Variants in FGGY observed in about 807,000 individuals in gnomAD.
FGGY encodes the protein FGGY carbohydrate kinase domain containing, also known as FGGY carbohydrate kinase domain-containing protein.
Under a neutral mutation model 71.3 loss-of-function variants are expected in FGGY, and 72 were observed. The observed-to-expected ratio is 1.01, with a 90% CI of 0.84 to 1.23. The LOEUF is 1.23. Ranked by LOEUF, FGGY falls within the 50% of genes most tolerant of loss-of-function variation. The probability of loss-of-function intolerance (pLI) is 0.00; values close to 1 mark genes in which losing one functional copy is unlikely to be tolerated. For synonymous variants in FGGY, 251 were observed against 250.3 expected (o/e 1.00, Z -0.02); for missense variants, 668 against 682.3 (o/e 0.98, Z 0.23).
chr1:59,546,105 G>C (rs1168497513), intron 7 of FGGY, among the ~76,000 whole-genome samples: 1 of 152,144 alleles, frequency 6.6e-6, no homozygotes, highest in African/African-American at 2.4e-5. Flanking sequence ...CCAAAGATTG[G>C]AAGTTGTTGG....
intron 14 of FGGY, among the ~76,000 whole-genome samples, chr1:59,688,802 T>C (rs1331483093): frequency 6.6e-6 from 1 of 151,068 alleles, no homozygotes; most frequent in Non-Finnish European, 1.5e-5. Context: ...TAGGCTGGAG[T>C]GCAGTGGCGC....
chr1:59,584,403 A>T lies in FGGY; in HGVS notation c.904-23400A>T, dbSNP rs1426922959. On this transcript the variant is annotated intron_variant, in intron 8 of 15. Coordinates refer to ENST00000303721, the MANE Select transcript of FGGY (RefSeq NM_018291.5). ...TAAACATAATCCAGCATATAAACAG[A>T]ACAAACAACAAAAACCATATGATTA... Among the ~76,000 whole-genome samples, 4 of 150,058 alleles carry T rather than the reference A, an allele frequency of 2.7e-5. 1 individual carries two copies. Among genetic ancestry groups the T allele is most frequent in the African/African-American group, 5.0e-5 (2 of 39,712 alleles).
chr1:59,434,233 A>C (rs1304461847), intron 5 of FGGY, among the ~76,000 whole-genome samples: 1 of 152,240 alleles, frequency 6.6e-6, no homozygotes, highest in African/African-American at 2.4e-5. Flanking sequence ...TTTTTCTGCC[A>C]GTTTCTAGGA....
At chr1:59,635,434 C>T (rs114234768) in intron 10 of FGGY, among the ~76,000 whole-genome samples, 1,792 of 151,694 alleles carry the variant, frequency 0.012, 19 homozygotes, top group Middle Eastern at 0.041. Context: ...GAGACAATGA[C>T]GAATCAATAA....
At chr1:59,676,798 A>G (rs765906442) in intron 14 of FGGY, among the ~76,000 whole-genome samples, 4 of 152,142 alleles carry the variant, frequency 2.6e-5, no homozygotes, top group African/African-American at 4.8e-5. Context: ...AGGAGACACA[A>G]TCTAGTAAAG....
At chr1:59,427,972 A>G (rs149089152) in intron 5 of FGGY, among the ~76,000 whole-genome samples, 1 of 152,186 alleles carries the variant, frequency 6.6e-6, no homozygotes, top group South Asian at 2.1e-4. Flanking sequence ...TGTCAGTCTT[A>G]CTGATTGGAA....
intron 7 of FGGY, among the ~76,000 whole-genome samples, chr1:59,546,582 T>C (rs963990316): frequency 9.2e-5 from 14 of 151,966 alleles, no homozygotes; most frequent in Non-Finnish European, 1.2e-4. Flanking sequence ...TGTTTCCCAG[T>C]GCAATGGCGC....
intron 13 of FGGY, among the ~76,000 whole-genome samples, chr1:59,668,405 A>G (rs1276874317): frequency 1.3e-5 from 2 of 151,912 alleles, no homozygotes; most frequent in African/African-American, 4.8e-5. Context: ...CATAGTCCCA[A>G]CTCCAGCCTG....
chr1:59,589,008 A>G (rs998793158), intron 8 of FGGY, among the ~76,000 whole-genome samples: 2 of 152,222 alleles, frequency 1.3e-5, no homozygotes, highest in Non-Finnish European at 2.9e-5. Flanking sequence ...TTGGATAAAG[A>G]GTCAAGACCC....
At chr1:59,380,248 A>T (rs1314788228) in intron 5 of FGGY, among the ~76,000 whole-genome samples, 2 of 151,632 alleles carry the variant, frequency 1.3e-5, no homozygotes, top group Non-Finnish European at 2.9e-5. Flanking sequence ...TAGTGCCACA[A>T]TAAACATACA....
intron 1 of FGGY, 96 bp from the exon 2 acceptor site, chr1:59,321,440 A>C: frequency 9.3e-7 from 1 of 1,071,972 alleles, no homozygotes; most frequent in Non-Finnish European, 1.4e-6. Flanking sequence ...CCGGTTAGGT[A>C]GCGGTACCTC....
intron 8 of FGGY, among the ~76,000 whole-genome samples, chr1:59,583,813 G>T (rs2096236758): frequency 1.4e-5 from 2 of 142,332 alleles, no homozygotes; most frequent in South Asian, 5.3e-4. Context: ...AGTGAGGAGT[G>T]AGAGGTCCAA....
intron 8 of FGGY, among the ~76,000 whole-genome samples, chr1:59,599,545 T>A (rs1160318507): frequency 6.6e-6 from 1 of 151,606 alleles, no homozygotes; most frequent in East Asian, 2.0e-4. Flanking sequence ...AATATAAACA[T>A]TAGCTGGGCG....
At chr1:59,452,411 T>G (rs17119467) in intron 5 of FGGY, among the ~76,000 whole-genome samples, 7,006 of 152,276 alleles carry the variant, frequency 0.046, 542 homozygotes, top group African/African-American at 0.16. Flanking sequence ...TGTGGAAATT[T>G]TAAACGTAAA....
intron 6 of FGGY, among the ~76,000 whole-genome samples, chr1:59,497,325 T>C (rs1160004752): frequency 6.6e-6 from 1 of 152,210 alleles, no homozygotes; most frequent in Non-Finnish European, 1.5e-5. Context: ...CGGTGGCTCA[T>C]GCCTATAATC....
At chr1:59,436,303 C>A (rs560131154) in intron 5 of FGGY, among the ~76,000 whole-genome samples, 1 of 152,268 alleles carries the variant, frequency 6.6e-6, no homozygotes, top group South Asian at 2.1e-4. Flanking sequence ...TTTCATGGGG[C>A]TGTCTCTTCA....
At chr1:59,351,052 A>T (rs1335985227) in intron 4 of FGGY, among the ~76,000 whole-genome samples, 1 of 152,250 alleles carries the variant, frequency 6.6e-6, no homozygotes, top group Non-Finnish European at 1.5e-5. Context: ...TGGTTAAGAA[A>T]GAATCAAAAG....
At chr1:59,507,980 C>T (rs751626467) in intron 6 of FGGY, among the ~76,000 whole-genome samples, 6 of 152,004 alleles carry the variant, frequency 3.9e-5, no homozygotes, top group Non-Finnish European at 7.4e-5. Flanking sequence ...CCCCTTTTTG[C>T]GACATACTAA....
chr1:59,709,833 G>A (rs1256894619), intron 14 of FGGY, among the ~76,000 whole-genome samples: 1 of 152,146 alleles, frequency 6.6e-6, no homozygotes, highest in Non-Finnish European at 1.5e-5. Flanking sequence ...TCAACCTATG[G>A]CTGACAGGTG....
Sources: allele counts gnomAD v4.1 joint callset (sites outside exome capture counted in the v4.1 genomes callset), GRCh38; gene constraint gnomAD v4.1.1; transcripts MANE v1.5; gene names NCBI Gene and HGNC (gene_info 2026-07-23, HGNC 2026-07-21).